ABTB3: variants seen among roughly 807,000 people sequenced by gnomAD.
The protein encoded by ABTB3 is ankyrin repeat- and BTB/POZ domain-containing protein 3.
the ABTB3 span, among the ~76,000 whole-genome samples, chr12:107,473,353 T>G: frequency 3.1e-4 from 47 of 152,154 alleles, 1 homozygote; most frequent in African/African-American, 9.9e-4. Context: ...ATGGATTCAT[T>G]TCACCTACTT....
the ABTB3 span, among the ~76,000 whole-genome samples, chr12:107,620,582 C>T: frequency 5.3e-5 from 8 of 152,090 alleles, no homozygotes; most frequent in East Asian, 3.9e-4. Flanking sequence ...CTAGACCACG[C>T]GGGGATGGAC....
At chr12:107,631,998 C>G in the ABTB3 span, among the ~76,000 whole-genome samples, 2 of 152,180 alleles carry the variant, frequency 1.3e-5, no homozygotes, top group Non-Finnish European at 2.9e-5. Flanking sequence ...ACCATTGTTA[C>G]GTATTTGAAG....
the ABTB3 span, among the ~76,000 whole-genome samples, chr12:107,625,953 A>G: frequency 0.085 from 12,923 of 152,198 alleles, 653 homozygotes; most frequent in Middle Eastern, 0.11. Flanking sequence ...CGGCTGGAGT[A>G]GAGCAGCTAT....
At chr12:107,337,726 C>A in the ABTB3 span, among the ~76,000 whole-genome samples, 4 of 152,306 alleles carry the variant, frequency 2.6e-5, no homozygotes, top group Admixed American at 2.6e-4. Flanking sequence ...CAGTGTGACA[C>A]GTTGAAAGTT....
the ABTB3 span, among the ~76,000 whole-genome samples, chr12:107,482,904 CTCTTT>C: frequency 5.3e-3 from 718 of 134,726 alleles, 13 homozygotes; most frequent in African/African-American, 0.018. Context: ...CTCTCTCTCT[CTCTTT>C]CTTCTTCTTT....
chr12:107,488,945 C>G, the ABTB3 span, among the ~76,000 whole-genome samples: 1 of 152,008 alleles, frequency 6.6e-6, no homozygotes, highest in East Asian at 1.9e-4. Context: ...AAAGAAGCAA[C>G]CATCAGCACT....
At chr12:107,329,986 G>A in the ABTB3 span, among the ~76,000 whole-genome samples, 2 of 152,212 alleles carry the variant, frequency 1.3e-5, no homozygotes, top group South Asian at 2.1e-4. Flanking sequence ...GATGTGGTTG[G>A]GAGTAAGGCT....
the ABTB3 span, among the ~76,000 whole-genome samples, chr12:107,503,772 A>AAAAAAAAAAAG: frequency 2.0e-5 from 3 of 148,186 alleles, no homozygotes; most frequent in Admixed American, 1.3e-4. Flanking sequence ...AAAAAAAAAA[A>AAAAAAAAAAAG]AAGAAGAAGA....
the ABTB3 span, among the ~76,000 whole-genome samples, chr12:107,384,297 C>T: frequency 6.6e-6 from 1 of 152,180 alleles, no homozygotes; most frequent in Non-Finnish European, 1.5e-5. Context: ...GGGGTTCCAA[C>T]TCAAGCAGCC....
the ABTB3 span, among the ~76,000 whole-genome samples, chr12:107,646,822 A>C: frequency 7.2e-5 from 11 of 152,214 alleles, no homozygotes; most frequent in Middle Eastern, 3.4e-3. Flanking sequence ...ATGATGCACG[A>C]TTGCCTGATG....
chr12:107,641,506 C>A, the ABTB3 span, among the ~76,000 whole-genome samples: 1 of 152,238 alleles, frequency 6.6e-6, no homozygotes, highest in Non-Finnish European at 1.5e-5. Flanking sequence ...TTGATAAGAT[C>A]TCTACCCACA....
chr12:107,537,122 G>C, the ABTB3 span, among the ~76,000 whole-genome samples: 8 of 152,016 alleles, frequency 5.3e-5, no homozygotes, highest in African/African-American at 1.9e-4. Context: ...AATAAGTCAG[G>C]CACAGAAAGA....
At chr12:107,319,791 C>T in the ABTB3 span, 11 of 1,443,874 alleles carry the variant, frequency 7.6e-6, no homozygotes, top group African/African-American at 1.5e-5. Context: ...GCCCCCGCGG[C>T]GGATAAAGAG....
At chr12:107,619,971 C>T in the ABTB3 span, 2 of 1,588,866 alleles carry the variant, frequency 1.3e-6, no homozygotes, top group South Asian at 1.1e-5. Context: ...TCCCTGGCTC[C>T]TCTCCCCGCT....
the ABTB3 span, among the ~76,000 whole-genome samples, chr12:107,530,599 A>G: frequency 1.3e-5 from 2 of 152,174 alleles, no homozygotes; most frequent in Non-Finnish European, 2.9e-5. Context: ...ACTGTATGCA[A>G]TTTTGAATTT....
At chr12:107,320,563 C>A in the ABTB3 span, 8 of 455,938 alleles carry the variant, frequency 1.8e-5, no homozygotes, top group Non-Finnish European at 3.5e-5. Flanking sequence ...ACGCAGTGCA[C>A]GGGGGAAGGA....
At chr12:107,386,441 A>T in the ABTB3 span, among the ~76,000 whole-genome samples, 6 of 152,188 alleles carry the variant, frequency 3.9e-5, no homozygotes, top group Non-Finnish European at 7.3e-5. Flanking sequence ...ATACTCAAAA[A>T]TTTTTGTTAC....
the ABTB3 span, among the ~76,000 whole-genome samples, chr12:107,439,131 T>C: frequency 6.6e-6 from 1 of 152,188 alleles, no homozygotes; most frequent in Non-Finnish European, 1.5e-5. Context: ...ACACATGAAG[T>C]GCTAATAATC....
the ABTB3 span, chr12:107,651,811 G>A: frequency 6.3e-7 from 1 of 1,593,612 alleles, no homozygotes; most frequent in South Asian, 1.1e-5. Flanking sequence ...TTCTCGCGCA[G>A]TGCGCACACA....
Sources: gnomAD v4.1 joint callset for allele counts (sites outside exome capture counted in the v4.1 genomes callset) on GRCh38, gnomAD v4.1.1 for gene constraint, MANE v1.5 for transcripts, NCBI Gene and HGNC (gene_info 2026-07-23, HGNC 2026-07-21) for gene names.